The following RPAP2 variants were observed in gnomAD, a reference collection of about 807,000 sequenced individuals.
RPAP2 encodes the protein RNA polymerase II associated protein 2.
A neutral mutation model predicts 73.1 loss-of-function variants in RPAP2; 52 were observed. The ratio of observed to expected loss-of-function variants is 0.71; its 90% CI spans 0.57 to 0.90. RPAP2 has a LOEUF of 0.90. Among genes scored for constraint, RPAP2 ranks in the 40% least tolerant of loss-of-function variants. The pLI, the probability that RPAP2 is intolerant of heterozygous loss-of-function variation, is 0.00. For missense variants in RPAP2, 598 were observed against 701.8 expected (o/e 0.85, Z 1.67); for synonymous variants, 225 against 242.1 (o/e 0.93, Z 0.65).
At chr1:92,328,979 G>C (rs1357271090) in intron 8 of RPAP2, among the ~76,000 whole-genome samples, 2 of 152,228 alleles carry the variant, frequency 1.3e-5, no homozygotes, top group Non-Finnish European at 2.9e-5. Flanking sequence ...TGTCTGCAAA[G>C]GGTCCTGTGA....
At chr1:92,320,666 T>C (rs774091472) in intron 7 of RPAP2, 32 bp downstream of exon 7, 3 of 1,556,372 alleles carry the variant, frequency 1.9e-6, no homozygotes, top group South Asian at 1.1e-5. Flanking sequence ...TTACCATTTA[T>C]ATATTTATGT....
At chr1:92,368,756 C>T (rs1015449781) in intron 11 of RPAP2, among the ~76,000 whole-genome samples, 12 of 152,214 alleles carry the variant, frequency 7.9e-5, no homozygotes, top group Admixed American at 7.9e-4. Flanking sequence ...ATGGAGGGTA[C>T]TTGTCCTAAC....
At chr1:92,371,319 A>ATATATAT (rs1553155687) in intron 11 of RPAP2, among the ~76,000 whole-genome samples, 14 of 61,726 alleles carry the variant, frequency 2.3e-4, no homozygotes, top group Middle Eastern at 8.1e-3. Flanking sequence ...AAAAAAAAAA[A>ATATATAT]ATATATATAT....
intron 11 of RPAP2, among the ~76,000 whole-genome samples, chr1:92,372,847 C>A (rs1334928621): frequency 6.6e-6 from 1 of 152,106 alleles, no homozygotes; most frequent in Non-Finnish European, 1.5e-5. Context: ...CCCAGGAGTT[C>A]GAGGCTTCAG....
At chr1:92,302,589 AATTTTTTT>A (rs1328501842) in intron 3 of RPAP2, among the ~76,000 whole-genome samples, 1 of 92,268 alleles carries the variant, frequency 1.1e-5, no homozygotes, top group African/African-American at 3.6e-5. Flanking sequence ...TTCCGCATTA[AATTTTTTT>A]TTTTTTTTTT....
intron 10 of RPAP2, among the ~76,000 whole-genome samples, chr1:92,339,815 C>T (rs1293184325): frequency 6.6e-6 from 1 of 152,092 alleles, no homozygotes; most frequent in African/African-American, 2.4e-5. Flanking sequence ...CTCTTATAAA[C>T]TATTATGACT....
chr1:92,299,218 C>A, intron 1 of RPAP2, 72 bp downstream of exon 1: 1 of 946,614 alleles, frequency 1.1e-6, no homozygotes, highest in Non-Finnish European at 1.5e-6. Context: ...TAGACCGCAG[C>A]GCGCGGGCGC....
chr1:92,368,929 G>C (rs1367875277), intron 11 of RPAP2, among the ~76,000 whole-genome samples: 1 of 152,238 alleles, frequency 6.6e-6, no homozygotes, highest in Admixed American at 6.5e-5. Flanking sequence ...TGTATTTTCA[G>C]AAGTGAGGTT....
rs1656222710 is a variant in RPAP2, at chr1:92,397,872, C to T, written c.*10861C>T. On this transcript the variant is annotated 3_prime_UTR_variant, in exon 13 of 13. Transcript: ENST00000610020. Reference sequence around the variant, plus strand: ...CACAGGAGCCAATCTGAAAGAGCTCCCTGGCCGGGCACGGTGGCTCACGCC... The same window carrying T: ...CACAGGAGCCAATCTGAAAGAGCTCTCTGGCCGGGCACGGTGGCTCACGCC... The T allele has an allele frequency of 6.6e-6, 1 of 152,288 alleles. No homozygotes were observed. 9.4% of individuals were successfully genotyped at this position (152,288 alleles called of 1,614,324 possible).
In RPAP2 at chr1:92,323,830, A is replaced by G; in HGVS notation, c.910A>G (p.Thr304Ala). The change falls in exon 8 of 13, where the codon ACT (threonine) becomes GCT (alanine). Residue 304 changes from threonine (T) to alanine (A), a missense_variant. By Grantham distance (58) the Thr-to-Ala change is moderately conservative. This residue lies in a region of RPAP2 where 506 missense variants were observed against 612.8 expected (regional missense o/e 0.83). Transcript: ENST00000610020. ...AAATACTCAGAGTTCTTCAAATAGC[A>G]CTTTGCCTGAAAGATTAAAAGCGTC... is the stretch of plus-strand genomic sequence containing the variant. ...KVNTQSSSNS[T>A]LPERLKASEN... is the part of the protein sequence containing the mutation. 2.5e-6 allele frequency: 4 copies of G among 1,614,116 alleles called. No individual in the cohort carries two copies. The highest frequency in any genetic ancestry group is 1.3e-5 in the African/African-American group (1 of 75,066).
intron 11 of RPAP2, among the ~76,000 whole-genome samples, chr1:92,351,035 G>A (rs1654175610): frequency 1.3e-5 from 2 of 151,932 alleles, no homozygotes; most frequent in African/African-American, 2.4e-5. Context: ...GACAGTAGGC[G>A]GGGTGCAGTG....
At chr1:92,341,431 T>G (rs1653588547) in intron 10 of RPAP2, among the ~76,000 whole-genome samples, 1 of 152,146 alleles carries the variant, frequency 6.6e-6, no homozygotes, top group Non-Finnish European at 1.5e-5. Flanking sequence ...GGCTCAACAA[T>G]AGGAAAAATA....
intron 8 of RPAP2, among the ~76,000 whole-genome samples, chr1:92,325,690 T>C (rs1219196099): frequency 6.6e-6 from 1 of 152,116 alleles, no homozygotes; most frequent in Admixed American, 6.6e-5. Context: ...AGCCAAGAAA[T>C]AGGTCATTAC....
intron 11 of RPAP2, among the ~76,000 whole-genome samples, chr1:92,365,909 A>G (rs1654915823): frequency 6.6e-6 from 1 of 152,164 alleles, no homozygotes; most frequent in South Asian, 2.1e-4. Flanking sequence ...ACATGACCTT[A>G]AGAAAGTCAC....
chr1:92,359,217 T>A (rs1227971425), intron 11 of RPAP2, among the ~76,000 whole-genome samples: 1 of 152,226 alleles, frequency 6.6e-6, no homozygotes. Flanking sequence ...TCAAACATAA[T>A]TTTAAGATAT....
chr1:92,344,261 T>A (rs1466679109), intron 10 of RPAP2, among the ~76,000 whole-genome samples: 1 of 152,128 alleles, frequency 6.6e-6, no homozygotes, highest in East Asian at 1.9e-4. Context: ...ATACAAAAAT[T>A]AGGCGTGGTG....
intron 8 of RPAP2, among the ~76,000 whole-genome samples, chr1:92,329,518 C>T (rs1452811054): frequency 1.3e-5 from 2 of 152,212 alleles, no homozygotes; most frequent in African/African-American, 4.8e-5. Context: ...CCCCAGGCTA[C>T]AGGCCTCCCA....
At chr1:92,330,439 A>ATT (rs35101382) in intron 8 of RPAP2, among the ~76,000 whole-genome samples, 616 of 61,470 alleles carry the variant, frequency 0.01, 88 homozygotes, top group African/African-American at 0.024. Context: ...TGGGTTGTCA[A>ATT]TTTTTTTTTT....
intron 7 of RPAP2, among the ~76,000 whole-genome samples, chr1:92,321,686 T>G (rs1652273567): frequency 6.6e-6 from 1 of 152,076 alleles, no homozygotes; most frequent in Admixed American, 6.6e-5. Context: ...CAGGGAAAAC[T>G]TTTGTCTTTT....
Sources: gnomAD v4.1 joint callset for allele counts (sites outside exome capture counted in the v4.1 genomes callset) on GRCh38, gnomAD v4.1.1 for gene constraint, gnomAD v4.1.1 regional missense constraint, MANE v1.5 for transcripts, NCBI Gene and HGNC (gene_info 2026-07-23, HGNC 2026-07-21) for gene names.